RASGRP3: variants seen among roughly 807,000 people sequenced by gnomAD.
RASGRP3 encodes RAS guanyl releasing protein 3.
A neutral mutation model predicts 82.7 loss-of-function variants in RASGRP3; 54 were observed. That is an observed-to-expected ratio of 0.65 (90% CI 0.52 to 0.82). The LOEUF is 0.82. Ranked by LOEUF, RASGRP3 falls within the 40% of genes least tolerant of loss-of-function variation. The pLI is 0.00. For missense variants in RASGRP3, 861 were observed against 828.9 expected, an observed-to-expected ratio of 1.04 and a Z score of -0.48; for synonymous variants, 309 against 300.5, an observed-to-expected ratio of 1.03 and a Z score of -0.29.
At chr2:33,472,738 C>G (rs1317892119), upstream of RASGRP3, among the ~76,000 whole-genome samples, 1 of 149,732 alleles carries the variant, frequency 6.7e-6, no homozygotes, top group Non-Finnish European at 1.5e-5. Context: ...GGGCAGATCA[C>G]GAGGTCAGGT....
intron 7 of RASGRP3, among the ~76,000 whole-genome samples, chr2:33,522,916 C>A (rs1490157905): frequency 6.6e-6 from 1 of 152,182 alleles, no homozygotes; most frequent in Non-Finnish European, 1.5e-5. Flanking sequence ...ACAGGCAGGC[C>A]ATGGGAGTCC....
chr2:33,440,597 C>T (rs971680204), intron 1 of RASGRP3, among the ~76,000 whole-genome samples: 2 of 152,166 alleles, frequency 1.3e-5, no homozygotes, highest in Non-Finnish European at 2.9e-5. Flanking sequence ...TGATGGCCCT[C>T]GTAGAATTCT....
intron 2 of RASGRP3, among the ~76,000 whole-genome samples, chr2:33,465,295 C>T (rs760092809): frequency 2.6e-5 from 4 of 152,212 alleles, no homozygotes; most frequent in Non-Finnish European, 5.9e-5. Flanking sequence ...TCCTAATTCT[C>T]TTCAATTCTC....
chr2:33,540,373 G>A (rs1284602322), intron 12 of RASGRP3, among the ~76,000 whole-genome samples: 1 of 146,066 alleles, frequency 6.8e-6, no homozygotes, highest in African/African-American at 2.4e-5. Context: ...CTTGGAGCTG[G>A]GGAAGGTGAG....
At chr2:33,468,710 T>G (rs1666868198) in intron 2 of RASGRP3, among the ~76,000 whole-genome samples, 1 of 152,044 alleles carries the variant, frequency 6.6e-6, no homozygotes, top group African/African-American at 2.4e-5. Context: ...ACTTCAACAT[T>G]ATTTTATAAT....
At chr2:33,459,342 A>G (rs6719601) in intron 2 of RASGRP3, among the ~76,000 whole-genome samples, 43,080 of 151,812 alleles carry the variant, frequency 0.28, 8,071 homozygotes, top group East Asian at 0.52. Flanking sequence ...CACTGTGTTA[A>G]CCAGGATGGT....
At chr2:33,487,235 G>C (rs537980304) in intron 1 of RASGRP3, among the ~76,000 whole-genome samples, 88 of 152,236 alleles carry the variant, frequency 5.8e-4, no homozygotes, top group African/African-American at 2.1e-3. Context: ...TATTATTGTA[G>C]TTTGTCAAGT....
intron 2 of RASGRP3, among the ~76,000 whole-genome samples, chr2:33,460,292 T>C (rs1666287985): frequency 6.6e-6 from 1 of 152,076 alleles, no homozygotes; most frequent in Non-Finnish European, 1.5e-5. Flanking sequence ...ATTTACAGAG[T>C]AATGGGGTTT....
upstream of RASGRP3, among the ~76,000 whole-genome samples, chr2:33,473,337 C>A (rs527928629): frequency 1.3e-5 from 2 of 151,730 alleles, no homozygotes; most frequent in African/African-American, 4.8e-5. Flanking sequence ...GAGCCGAGAT[C>A]GCGCCACCAC....
intron 1 of RASGRP3, among the ~76,000 whole-genome samples, chr2:33,498,243 T>C (rs989608962): frequency 6.6e-6 from 1 of 152,178 alleles, no homozygotes; most frequent in Non-Finnish European, 1.5e-5. Flanking sequence ...ACTTACTTAG[T>C]TCTCATAACA....
chr2:33,517,404 C>A (rs974817067), intron 4 of RASGRP3, among the ~76,000 whole-genome samples: 2 of 152,146 alleles, frequency 1.3e-5, no homozygotes, highest in Non-Finnish European at 2.9e-5. Context: ...GCCCATGAGG[C>A]CCTGGAGATG....
chr2:33,539,817 T>C (rs1264280007), intron 12 of RASGRP3: 1 of 152,000 alleles, frequency 6.6e-6, no homozygotes, highest in Non-Finnish European at 1.5e-5. Context: ...TGAAACCCTG[T>C]CCCTACTAAA....
chr2:33,545,966 CA>C (rs963227476), intron 13 of RASGRP3, among the ~76,000 whole-genome samples: 7 of 151,746 alleles, frequency 4.6e-5, no homozygotes, highest in African/African-American at 1.7e-4. Context: ...CCACGCCAGG[CA>C]ATTTTTTTTT....
intron 1 of RASGRP3, among the ~76,000 whole-genome samples, chr2:33,447,066 C>T (rs1665538590): frequency 6.7e-6 from 1 of 148,728 alleles, no homozygotes; most frequent in South Asian, 2.2e-4. Flanking sequence ...ATGGCGTGAA[C>T]CTACACTCCA....
intron 13 of RASGRP3, among the ~76,000 whole-genome samples, chr2:33,548,967 G>C (rs556467143): frequency 1.1e-4 from 16 of 152,260 alleles, no homozygotes; most frequent in African/African-American, 3.6e-4. Context: ...AGGATTACAG[G>C]CATGAGCCAC....
intron 11 of RASGRP3, among the ~76,000 whole-genome samples, chr2:33,537,329 C>CA (rs1673745540): frequency 2.4e-5 from 2 of 82,864 alleles, no homozygotes; most frequent in African/African-American, 6.4e-5. Flanking sequence ...CACCGCCCCC[C>CA]CCACACACAC....
chr2:33,528,196 C>T (rs78850830), intron 10 of RASGRP3, among the ~76,000 whole-genome samples: 1,900 of 152,328 alleles, frequency 0.012, 41 homozygotes, highest in African/African-American at 0.044. Flanking sequence ...CGATTTTTAT[C>T]TGTTTATCTG....
intron 1 of RASGRP3, among the ~76,000 whole-genome samples, chr2:33,483,586 T>TC (rs72488417): frequency 0.15 from 22,127 of 150,576 alleles, 1,858 homozygotes; most frequent in African/African-American, 0.23. Context: ...TCTCCCGGGT[T>TC]CAAGTGATTC....
intron 13 of RASGRP3, among the ~76,000 whole-genome samples, chr2:33,545,603 TG>T (rs1250684346): frequency 1.3e-5 from 2 of 152,222 alleles, no homozygotes; most frequent in Non-Finnish European, 2.9e-5. Context: ...TAATAAAGAT[TG>T]TTTTTGGCCT....
Sources: allele counts gnomAD v4.1 joint callset (sites outside exome capture counted in the v4.1 genomes callset), GRCh38; gene constraint gnomAD v4.1.1; transcripts MANE v1.5; gene names NCBI Gene and HGNC (gene_info 2026-07-23, HGNC 2026-07-21).